Variants in WWOX observed in about 807,000 individuals in gnomAD.
The protein encoded by WWOX is WW domain-containing oxidoreductase.
In WWOX, 69 loss-of-function variants were observed where a neutral mutation model predicts 46.2. The observed-to-expected ratio is 1.49, with a 90% CI of 1.23 to 1.82. The LOEUF is 1.82. Ranked by LOEUF, WWOX falls within the 40% of genes most tolerant of loss-of-function variation. The probability of loss-of-function intolerance (pLI) is 0.00; values close to 1 mark genes in which losing one functional copy is unlikely to be tolerated. For synonymous variants in WWOX, 359 were observed against 202.6 expected (o/e 1.77, Z -6.56); for missense variants, 919 against 542.6 (o/e 1.69, Z -6.89).
At chr16:78,362,248 G>C (rs745928087) in intron 5 of WWOX, among the ~76,000 whole-genome samples, 1 of 152,036 alleles carries the variant, frequency 6.6e-6, no homozygotes, top group African/African-American at 2.4e-5. Flanking sequence ...TGCCTTGTCC[G>C]TCTTGCTTGT....
At chr16:78,141,677 T>G (rs991762142) in intron 4 of WWOX, among the ~76,000 whole-genome samples, 1 of 152,180 alleles carries the variant, frequency 6.6e-6, no homozygotes, top group Non-Finnish European at 1.5e-5. Flanking sequence ...GAGAGTGTGT[T>G]TATTCATAAA....
chr16:78,749,537 C>T (rs534865261), intron 8 of WWOX, among the ~76,000 whole-genome samples: 6 of 152,096 alleles, frequency 3.9e-5, no homozygotes, highest in Admixed American at 2.6e-4. Flanking sequence ...TTGTTTTACC[C>T]TAGGGCTATG....
Position 78,614,491 on chromosome 16 carries a change from C to T in WWOX, c.1056+181739C>T, listed in dbSNP as rs566661519. The stretch of plus-strand genomic sequence containing the variant: ...GGTCCTCTGGGCCAGCCCAGATCCA[C>T]CCTGTTCACGGTGTGTGTCCTGCTG... On this transcript the variant is annotated intron_variant, in intron 8 of 8. Transcript: ENST00000566780. 2.6e-5 allele frequency among the ~76,000 whole-genome samples: 4 copies of T among 152,348 alleles called. No individual in the cohort carries two copies. The South Asian group carries it at 8.3e-4, about 32-fold the overall frequency.
intron 4 of WWOX, among the ~76,000 whole-genome samples, chr16:78,126,276 C>G (rs1165063480): frequency 5.9e-5 from 9 of 152,134 alleles, no homozygotes; most frequent in Non-Finnish European, 2.9e-5. Context: ...AGTGGAATTG[C>G]TGAATGAAGT....
chr16:78,117,918 C>G (rs536254549), intron 4 of WWOX, among the ~76,000 whole-genome samples: 2 of 152,170 alleles, frequency 1.3e-5, no homozygotes, highest in African/African-American at 4.8e-5. Flanking sequence ...TGGGCTGAAA[C>G]ATAACATAAC....
chr16:78,781,402 C>G (rs762761612), intron 8 of WWOX, among the ~76,000 whole-genome samples: 3 of 152,110 alleles, frequency 2.0e-5, no homozygotes, highest in Non-Finnish European at 4.4e-5. Flanking sequence ...GTCTTACTAC[C>G]CCCTCCCACC....
chr16:78,908,699 G>T (rs550747636), intron 8 of WWOX, among the ~76,000 whole-genome samples: 9 of 152,068 alleles, frequency 5.9e-5, no homozygotes, highest in Non-Finnish European at 1.0e-4. Context: ...TGATTGGTCA[G>T]GTTTGAGATG....
chr16:78,719,809 C>A (rs1450821092), intron 8 of WWOX, among the ~76,000 whole-genome samples: 1 of 152,124 alleles, frequency 6.6e-6, no homozygotes, highest in African/African-American at 2.4e-5. Context: ...CTTATTATAA[C>A]AAACACCAAT....
chr16:78,325,915 G>T (rs961933650), intron 5 of WWOX, among the ~76,000 whole-genome samples: 2 of 152,226 alleles, frequency 1.3e-5, no homozygotes, highest in African/African-American at 4.8e-5. Context: ...ATGAAATGAT[G>T]CCCACTGTGG....
At chr16:79,119,459 T>C (rs2049583692) in intron 8 of WWOX, among the ~76,000 whole-genome samples, 1 of 152,214 alleles carries the variant, frequency 6.6e-6, no homozygotes, top group South Asian at 2.1e-4. Flanking sequence ...CGGAGTGCCA[T>C]CCGCGCTCCA....
At chr16:79,059,493 T>C (rs1016353193) in intron 8 of WWOX, among the ~76,000 whole-genome samples, 1 of 152,246 alleles carries the variant, frequency 6.6e-6, no homozygotes, top group Non-Finnish European at 1.5e-5. Context: ...TTTATTTATA[T>C]GTTTTTTCTT....
At chr16:78,931,396 A>T (rs1030483844) in intron 8 of WWOX, among the ~76,000 whole-genome samples, 5 of 152,194 alleles carry the variant, frequency 3.3e-5, no homozygotes, top group African/African-American at 1.2e-4. Context: ...CGGAAGAATG[A>T]TGGAGGGAGA....
intron 8 of WWOX, among the ~76,000 whole-genome samples, chr16:79,190,332 CT>C (rs990205107): frequency 1.3e-4 from 20 of 151,984 alleles, no homozygotes; most frequent in Non-Finnish European, 2.6e-4. Context: ...GCCTCATATC[CT>C]TTTTTATGGA....
intron 8 of WWOX, among the ~76,000 whole-genome samples, chr16:78,782,145 C>A (rs1007976348): frequency 6.6e-6 from 1 of 152,102 alleles, no homozygotes; most frequent in Admixed American, 6.5e-5. Flanking sequence ...TTTAATTTCC[C>A]CCTCCAGCCT....
chr16:79,126,186 A>T (rs2049750379), intron 8 of WWOX, among the ~76,000 whole-genome samples: 1 of 151,936 alleles, frequency 6.6e-6, no homozygotes. Flanking sequence ...AGAGGATGTG[A>T]GCTGAGGCTT....
chr16:78,155,186 G>A (rs1244299326), intron 4 of WWOX, among the ~76,000 whole-genome samples: 1 of 151,766 alleles, frequency 6.6e-6, no homozygotes, highest in African/African-American at 2.4e-5. Context: ...GGTTGGAAGG[G>A]AGAGAGAGAA....
chr16:78,411,118 TTC>T (rs1297288687), intron 6 of WWOX, among the ~76,000 whole-genome samples: 1 of 152,166 alleles, frequency 6.6e-6, no homozygotes, highest in East Asian at 1.9e-4. Context: ...CCATGATTTT[TTC>T]TATATTCTGT....
At chr16:78,421,485 A>AAGATGTGGGACTTAATCACATTTGC (rs2082929464) in intron 6 of WWOX, among the ~76,000 whole-genome samples, 1 of 152,174 alleles carries the variant, frequency 6.6e-6, no homozygotes, top group African/African-American at 2.4e-5. Flanking sequence ...ATCTCATTTT[A>AAGATGTGGGACTTAATCACATTTGC]AGATGTGGGA....
chr16:78,586,560 C>T (rs1420808224), intron 8 of WWOX, among the ~76,000 whole-genome samples: 1 of 152,174 alleles, frequency 6.6e-6, no homozygotes, highest in Non-Finnish European at 1.5e-5. Context: ...CTTGTTATCT[C>T]CATTTTAGAA....
Sources: allele counts gnomAD v4.1 joint callset (sites outside exome capture counted in the v4.1 genomes callset), GRCh38; gene constraint gnomAD v4.1.1; transcripts MANE v1.5; gene names NCBI Gene and HGNC (gene_info 2026-07-23, HGNC 2026-07-21).